Variants in GIMAP2 observed in about 807,000 individuals in gnomAD.
GIMAP2 encodes the protein GTPase IMAP family member 2.
GIMAP2 carries 22 observed loss-of-function variants against 25.5 expected under a neutral mutation model. The observed-to-expected ratio is 0.86, with a 90% CI of 0.62 to 1.23. The LOEUF (loss-of-function observed/expected upper bound fraction) is 1.23. Ranked by LOEUF, GIMAP2 falls within the 50% of genes most tolerant of loss-of-function variation. The pLI is 0.00. For synonymous variants in GIMAP2, 167 were observed against 143.0 expected (o/e 1.17, Z -1.20); for missense variants, 422 against 395.7 (o/e 1.07, Z -0.56).
rs765810038 is a variant in GIMAP2 at position 150,692,759 on chromosome 7, A to T, written c.473A>T (p.Asp158Val). Reference sequence around the variant, plus strand: ...GACCTCAATGGTGGCTCCCTGATGGATTACATGCACGACTCAGATAACAAA... The same window carrying T: ...GACCTCAATGGTGGCTCCCTGATGGTTTACATGCACGACTCAGATAACAAA... Reference protein sequence around the residue: ...KEDLNGGSLMDYMHDSDNKAL... With the variant: ...KEDLNGGSLMVYMHDSDNKAL... Residue 158 changes from aspartate to valine, a missense_variant, in exon 3 of 3, where the codon GAT becomes GTT. Asp to Val is a radical substitution (Grantham distance 152, BLOSUM62 -3). Coordinates refer to ENST00000223293, the MANE Select transcript of GIMAP2 (RefSeq NM_015660.3). 7.4e-6 allele frequency: 12 copies of T among 1,614,210 alleles called. No individual in the cohort carries two copies. The highest frequency in any genetic ancestry group is 3.3e-5 in the Admixed American group (2 of 60,030).
Position 150,693,039 on chromosome 7 carries a change from A to AT in GIMAP2, c.753_754insT (p.Ser252Ter). On this transcript the variant is annotated frameshift_variant, in exon 3 of 3. Coordinates refer to ENST00000223293, the MANE Select transcript of GIMAP2 (RefSeq NM_015660.3). LOFTEE classifies it high-confidence loss of function. Reference sequence around the variant, plus strand: ...TTATAAAGTACATGGAAACTCAAAGAAGTTACACAGCCTTGGCTGAAGCAA... The same window carrying AT: ...TTATAAAGTACATGGAAACTCAAAGATAGTTACACAGCCTTGGCTGAAGCAA... The AT allele has an allele frequency of 6.2e-7, 1 of 1,614,202 alleles. No individual in the cohort carries two copies. The highest frequency in any genetic ancestry group is 8.5e-7 in the Non-Finnish European group (1 of 1,180,022).
At chr7:150,687,002 T>G in intron 1 of GIMAP2, 50 bp from the exon 2 acceptor site, 1 of 1,264,374 alleles carries the variant, frequency 7.9e-7, no homozygotes, top group East Asian at 2.3e-5. Flanking sequence ...TATAAGAATT[T>G]TTCATGATTT....
In GIMAP2 at chr7:150,693,249, G is replaced by C; in HGVS notation, c.963G>C (p.Met321Ile). 1 of 1,597,592 alleles carries C rather than the reference G, an allele frequency of 6.3e-7. No homozygotes were observed. Among genetic ancestry groups the C allele is most frequent in the Non-Finnish European group, 8.5e-7 (1 of 1,173,774 alleles). ...TGTTTATTATACCCAAAAAGTTAAT[G>C]ATATTTTTGAGAACAGTTATTAGAC... The part of the protein sequence containing the change: ...SLLFIIPKKL[M>I]IFLRTVIRLE... The change falls in exon 3 of 3, where the codon ATG (methionine) becomes ATC (isoleucine). Residue 321 changes from methionine to isoleucine, a missense_variant. Coordinates refer to ENST00000223293, the MANE Select transcript of GIMAP2 (RefSeq NM_015660.3).
At chr7:150,686,665 C>T (rs1311137000) in intron 1 of GIMAP2, among the ~76,000 whole-genome samples, 2 of 152,014 alleles carry the variant, frequency 1.3e-5, no homozygotes, top group African/African-American at 2.4e-5. Flanking sequence ...GGATCTTGGC[C>T]TAGTGTGATG....
At position 150,692,481 on chromosome 7, in the gene GIMAP2, G is replaced by C; in HGVS notation, c.195G>C (p.Gln65His). 6.2e-7 allele frequency: 1 copy of C among 1,614,170 alleles called. No homozygotes were observed. Among genetic ancestry groups the C allele is most frequent in the Non-Finnish European group, 8.5e-7 (1 of 1,180,000 alleles). ...QTLTKTCSKS[Q>H]GSWGNREIVI... ...TGACTAAGACTTGCAGCAAAAGTCA[G>C]GGAAGCTGGGGAAATAGAGAGATTG... Residue 65 changes from glutamine (Q) to histidine (H), a missense_variant, in exon 3 of 3, where the codon CAG becomes CAC. Coordinates refer to ENST00000223293, the MANE Select transcript of GIMAP2 (RefSeq NM_015660.3).
At chr7:150,688,286 A>G (rs1175478804) in intron 2 of GIMAP2, among the ~76,000 whole-genome samples, 1 of 152,022 alleles carries the variant, frequency 6.6e-6, no homozygotes, top group Admixed American at 6.5e-5. Flanking sequence ...ATGTGTCATC[A>G]TGCCTGGCTA....
intron 1 of GIMAP2, among the ~76,000 whole-genome samples, chr7:150,686,009 T>A (rs548221026): frequency 6.6e-6 from 1 of 152,264 alleles, no homozygotes; most frequent in East Asian, 1.9e-4. Flanking sequence ...CAATAAAAAG[T>A]GCTAACTGGG....
rs2241020 is a variant in GIMAP2, at chr7:150,690,143, C to T, written c.29-2172C>T. 2.0e-3 allele frequency among the ~76,000 whole-genome samples: 307 copies of T among 152,274 alleles called. 5 individuals are homozygous for T. The East Asian group carries it at 0.054, about 27-fold the overall frequency. On this transcript the variant is annotated intron_variant, in intron 2 of 2. Transcript: ENST00000223293. ...CCTGAGCACAGTGACTCTTGTAACT[C>T]TCATGTTCCTTGCAGGGAATCTGGA...
At chr7:150,687,936 G>C (rs1203445334) in intron 2 of GIMAP2, among the ~76,000 whole-genome samples, 2 of 151,972 alleles carry the variant, frequency 1.3e-5, no homozygotes, top group African/African-American at 2.4e-5. Context: ...CTTACATCAA[G>C]AAGAGCCCAG....
chr7:150,687,216 C>T, intron 2 of GIMAP2, 129 bp downstream of exon 2: 2 of 733,040 alleles, frequency 2.7e-6, no homozygotes, highest in Admixed American at 4.9e-5. Flanking sequence ...ATTCTAACTC[C>T]CACAGCTACC....
chr7:150,687,717 T>TTGTGTGTGTG (rs145943318), intron 2 of GIMAP2, among the ~76,000 whole-genome samples: 1 of 150,146 alleles, frequency 6.7e-6, no homozygotes, highest in Admixed American at 6.6e-5. Flanking sequence ...CATAGGTTCT[T>TTGTGTGTGTG]TGTGTGTGTG....
rs180955137 is a variant in GIMAP2, at chr7:150,687,262, C to G, written c.28+175C>G. The G allele has an allele frequency of 3.1e-3, 1,721 of 554,622 alleles. 11 individuals carry two copies. Among genetic ancestry groups the G allele is most frequent in the Non-Finnish European group, 4.6e-3 (1,439 of 311,686 alleles). 34.4% of individuals were successfully genotyped at this position (554,622 alleles called of 1,614,324 possible). A position where few individuals can be genotyped will look rare whatever the true frequency, so the allele number is the denominator to read the frequency against. Reference sequence around the variant, plus strand: ...GCTGAAAATTGTGGGGTTTTGTTTTCTTTGTTTGTTTGTTTGTTTGTTTGT... The same window carrying G: ...GCTGAAAATTGTGGGGTTTTGTTTTGTTTGTTTGTTTGTTTGTTTGTTTGT... On this transcript the variant is annotated intron_variant, in intron 2 of 2. Transcript: ENST00000223293.
chr7:150,687,146 G>T (rs1585205818), intron 2 of GIMAP2, 59 bp downstream of exon 2: 1 of 957,450 alleles, frequency 1.0e-6, no homozygotes, highest in Non-Finnish European at 1.6e-6. Context: ...GTGTGTGTGT[G>T]TGTGTGTGTT....
intron 2 of GIMAP2, among the ~76,000 whole-genome samples, chr7:150,687,981 C>T (rs1164644428): frequency 6.6e-6 from 1 of 152,148 alleles, no homozygotes; most frequent in Non-Finnish European, 1.5e-5. Context: ...TCACACTCAA[C>T]CCTCACCTGT....
At chr7:150,686,619 A>G (rs1377743765) in intron 1 of GIMAP2, among the ~76,000 whole-genome samples, 1 of 152,142 alleles carries the variant, frequency 6.6e-6, no homozygotes, top group Non-Finnish European at 1.5e-5. Context: ...GTCCCTTATG[A>G]GTAGACAAAT....
chr7:150,689,770 A>G (rs1388136244), intron 2 of GIMAP2: 2 of 472,654 alleles, frequency 4.2e-6, no homozygotes, highest in Admixed American at 7.2e-5. Flanking sequence ...GCAAAGCACT[A>G]ATACTTCAGG....
At chr7:150,687,254 TTTG>T in intron 2 of GIMAP2, 167 bp downstream of exon 2, 1 of 513,210 alleles carries the variant, frequency 1.9e-6, no homozygotes, top group Non-Finnish European at 3.4e-6. Flanking sequence ...ATTGTGGGGT[TTTG>T]TTTTCTTTGT....
chr7:150,692,081 C>T (rs568647697), intron 2 of GIMAP2, among the ~76,000 whole-genome samples: 1 of 147,080 alleles, frequency 6.8e-6, no homozygotes, highest in African/African-American at 2.5e-5. Context: ...AAAAAATTAG[C>T]GGGATGCGGT....
At chr7:150,690,506 G>C (rs1345215593) in intron 2 of GIMAP2, among the ~76,000 whole-genome samples, 1 of 152,112 alleles carries the variant, frequency 6.6e-6, no homozygotes, top group Non-Finnish European at 1.5e-5. Context: ...GAGTAAATTA[G>C]GTAATGCAGG....
Sources: allele counts gnomAD v4.1 joint callset (sites outside exome capture counted in the v4.1 genomes callset), GRCh38; gene constraint gnomAD v4.1.1; transcripts MANE v1.5; gene names NCBI Gene and HGNC (gene_info 2026-07-23, HGNC 2026-07-21).